Variants in TRPM1 observed in about 807,000 individuals in gnomAD.
The protein encoded by TRPM1 is TRPM1-203 APA Isoform, Intron 10.
Under a neutral mutation model 149.4 loss-of-function variants are expected in TRPM1, and 113 were observed. The ratio of observed to expected loss-of-function variants is 0.76; its 90% confidence interval spans 0.65 to 0.88. The LOEUF is 0.88. Ranked by LOEUF, TRPM1 falls within the 40% of genes least tolerant of loss-of-function variation. The probability of loss-of-function intolerance (pLI) is 0.00; values close to 1 mark genes in which losing one functional copy is unlikely to be tolerated. For missense variants in TRPM1, 1,976 were observed against 2,038.7 expected (o/e 0.97, Z 0.59); for synonymous variants, 741 against 759.5 (o/e 0.98, Z 0.40).
chr15:31,156,445 C>T (rs1050115080), intron 1 of TRPM1, among the ~76,000 whole-genome samples: 1 of 152,054 alleles, frequency 6.6e-6, no homozygotes, highest in African/African-American at 2.4e-5. Context: ...AGGGTGGCCA[C>T]CTAAGAGACA....
chr15:31,024,054 G>A (rs2032638020), intron 27 of TRPM1, among the ~76,000 whole-genome samples: 1 of 152,102 alleles, frequency 6.6e-6, no homozygotes, highest in Non-Finnish European at 1.5e-5. Flanking sequence ...ACTGAGTCAT[G>A]AGAATTGGTA....
intron 13 of TRPM1, 136 bp from the exon 14 acceptor site, chr15:31,048,075 C>A: frequency 1.3e-6 from 1 of 770,046 alleles, no homozygotes; most frequent in South Asian, 1.4e-5. Context: ...CCAGCCTGGC[C>A]AACATGGTGA....
At position 31,001,366 on chromosome 15, in the gene TRPM1, CTA is replaced by C. The variant is rs1216476163; in HGVS notation, c.*454_*455del. The C allele has an allele frequency of 6.7e-6, 1 of 148,710 alleles. No individual in the cohort carries two copies. The highest frequency in any genetic ancestry group is 1.5e-5 in the Non-Finnish European group (1 of 68,954). The allele number at this position is 148,710 out of a possible 1,614,324, so 9.2% of individuals were successfully genotyped here. Reference sequence around the variant, plus strand: ...TTTTTTTTTAAGAGATGGGGTATCACTATGTTGCCCAGGCTGGTCTCAAACTC... The same window carrying C: ...TTTTTTTTTAAGAGATGGGGTATCACTGTTGCCCAGGCTGGTCTCAAACTC... On this transcript the variant is annotated 3_prime_UTR_variant, in exon 28 of 28. Coordinates refer to ENST00000256552, the MANE Select transcript of TRPM1 (RefSeq NM_001252024.2).
chr15:31,133,867 C>T (rs2036053619), intron 1 of TRPM1, among the ~76,000 whole-genome samples: 1 of 152,148 alleles, frequency 6.6e-6, no homozygotes, highest in African/African-American at 2.4e-5. Context: ...GGAGCTTTTC[C>T]TCAAGTGGGC....
At chr15:31,099,690 A>G (rs1596071281) in intron 1 of TRPM1, among the ~76,000 whole-genome samples, 1 of 152,376 alleles carries the variant, frequency 6.6e-6, no homozygotes, top group Non-Finnish European at 1.5e-5. Context: ...TCAATAAAAC[A>G]TAAACAGGTA....
intron 1 of TRPM1, among the ~76,000 whole-genome samples, chr15:31,125,209 C>T (rs1336155470): frequency 6.6e-6 from 1 of 151,562 alleles, no homozygotes; most frequent in Admixed American, 6.6e-5. Context: ...AACAAAAAAA[C>T]TCAGAATGTA....
intron 13 of TRPM1, 21 bp from the exon 14 acceptor site, chr15:31,047,960 T>C (rs1375556444): frequency 3.1e-6 from 5 of 1,611,914 alleles, no homozygotes; most frequent in African/African-American, 2.7e-5. Context: ...AGCATTCATG[T>C]GTGTTAAATA....
intron 2 of TRPM1, 79 bp downstream of exon 2, chr15:31,081,274 A>G: frequency 1.1e-6 from 1 of 888,924 alleles, no homozygotes; most frequent in Non-Finnish European, 1.8e-6. Context: ...TTTTCCTAAT[A>G]AAAACGCTAG....
chr15:31,073,452 TTC>T (rs1374470450), intron 3 of TRPM1, among the ~76,000 whole-genome samples: 1 of 152,144 alleles, frequency 6.6e-6, no homozygotes, highest in Non-Finnish European at 1.5e-5. Context: ...CCTCCTATTA[TTC>T]TTTTTGATGC....
chr15:31,132,312 T>C (rs1390541441), intron 1 of TRPM1, among the ~76,000 whole-genome samples: 2 of 152,192 alleles, frequency 1.3e-5, no homozygotes, highest in African/African-American at 4.8e-5. Context: ...CCACAGGCCC[T>C]GCACCCTGAA....
intron 1 of TRPM1, among the ~76,000 whole-genome samples, chr15:31,148,041 G>T (rs1328705046): frequency 1.3e-5 from 2 of 152,192 alleles, no homozygotes; most frequent in Non-Finnish European, 2.9e-5. Flanking sequence ...AGCAGAGGCT[G>T]CGAAGAGAGA....
At chr15:31,150,365 A>G (rs916165853) in intron 1 of TRPM1, among the ~76,000 whole-genome samples, 3 of 151,700 alleles carry the variant, frequency 2.0e-5, no homozygotes, top group Non-Finnish European at 4.4e-5. Context: ...GGACCCCTTA[A>G]GAGGAGAAAA....
At chr15:31,050,192 C>T (rs979244173) in intron 12 of TRPM1, among the ~76,000 whole-genome samples, 2 of 152,222 alleles carry the variant, frequency 1.3e-5, no homozygotes, top group Non-Finnish European at 2.9e-5. Flanking sequence ...TGGCATCATT[C>T]CCCCCAAAGC....
chr15:31,041,835 C>A, intron 17 of TRPM1, 116 bp downstream of exon 17: 1 of 1,163,890 alleles, frequency 8.6e-7, no homozygotes, highest in Non-Finnish European at 1.3e-6. Context: ...GATTTGTGAA[C>A]AAGCTTTAAC....
intron 1 of TRPM1, among the ~76,000 whole-genome samples, chr15:31,108,623 A>G (rs1381546563): frequency 1.3e-5 from 2 of 152,200 alleles, no homozygotes; most frequent in African/African-American, 4.8e-5. Context: ...CCTGCCAAGT[A>G]GCTGGGATTA....
At chr15:31,149,526 CTTTT>C (rs770015508) in intron 1 of TRPM1, among the ~76,000 whole-genome samples, 1 of 122,822 alleles carries the variant, frequency 8.1e-6, no homozygotes, top group Non-Finnish European at 1.6e-5. Context: ...CTCTCTCTCT[CTTTT>C]TTTTTTTTTT....
At chr15:31,064,981 G>A (rs1027478690) in intron 7 of TRPM1, 9 of 491,310 alleles carry the variant, frequency 1.8e-5, no homozygotes, top group Admixed American at 4.6e-5. Context: ...CCTTCTTTTC[G>A]AGCAACAGAG....
intron 1 of TRPM1, among the ~76,000 whole-genome samples, chr15:31,146,396 A>T (rs1370760981): frequency 6.6e-6 from 1 of 152,234 alleles, no homozygotes; most frequent in Non-Finnish European, 1.5e-5. Flanking sequence ...TTGCTCTTGG[A>T]CTAAGTTCCT....
chr15:31,070,249 G>T (rs745979156), intron 3 of TRPM1, 23 bp from the exon 4 acceptor site: 2 of 1,597,072 alleles, frequency 1.3e-6, no homozygotes, highest in South Asian at 1.1e-5. Context: ...GCAAAGCAGG[G>T]TCTTTCTACA....
Sources: gnomAD v4.1 joint callset for allele counts (sites outside exome capture counted in the v4.1 genomes callset) on GRCh38, gnomAD v4.1.1 for gene constraint, MANE v1.5 for transcripts, NCBI Gene and HGNC (gene_info 2026-07-23, HGNC 2026-07-21) for gene names.